Variants in CTNND2 observed in about 807,000 individuals in gnomAD.
CTNND2 encodes catenin delta-2.
Under a neutral mutation model 144.4 loss-of-function variants are expected in CTNND2, and 22 were observed. The observed-to-expected ratio is 0.15, with a 90% CI of 0.11 to 0.22. CTNND2 has a LOEUF of 0.22. Among genes scored for constraint, CTNND2 ranks in the 10% least tolerant of loss-of-function variants. The pLI is 1.00. For missense variants in CTNND2, 1,353 were observed against 1,618.8 expected, an observed-to-expected ratio of 0.84 and a Z score of 2.82; for synonymous variants, 751 against 695.6, an observed-to-expected ratio of 1.08 and a Z score of -1.25.
chr5:11,734,633 C>G (rs1787579776), intron 1 of CTNND2, among the ~76,000 whole-genome samples: 1 of 152,160 alleles, frequency 6.6e-6, no homozygotes, highest in South Asian at 2.1e-4. Context: ...TTACACATCC[C>G]TCCAGGAACC....
intron 1 of CTNND2, among the ~76,000 whole-genome samples, chr5:11,768,330 C>T (rs1789715299): frequency 6.6e-6 from 1 of 151,330 alleles, no homozygotes; most frequent in Non-Finnish European, 1.5e-5. Flanking sequence ...CACTGTGTCA[C>T]CCAGGCTGGA....
At chr5:11,257,452 C>CG (rs1385028206) in intron 9 of CTNND2, among the ~76,000 whole-genome samples, 1 of 152,168 alleles carries the variant, frequency 6.6e-6, no homozygotes, top group Non-Finnish European at 1.5e-5. Flanking sequence ...AGTTCTGCAT[C>CG]GCCGGGGAGG....
intron 1 of CTNND2, among the ~76,000 whole-genome samples, chr5:11,879,359 A>ATATATATATG (rs1735846034): frequency 6.9e-6 from 1 of 144,142 alleles, no homozygotes; most frequent in Non-Finnish European, 1.5e-5. Context: ...ATATATATAC[A>ATATATATATG]TATACACACA....
chr5:11,162,504 G>A (rs894513032), intron 11 of CTNND2, among the ~76,000 whole-genome samples: 3 of 152,138 alleles, frequency 2.0e-5, no homozygotes, highest in African/African-American at 7.2e-5. Context: ...CTTCCAGGCT[G>A]TCTCCATCTG....
chr5:11,369,246 A>G (rs1757245124), intron 7 of CTNND2, among the ~76,000 whole-genome samples: 1 of 152,258 alleles, frequency 6.6e-6, no homozygotes, highest in African/African-American at 2.4e-5. Flanking sequence ...GACCACAAAA[A>G]GGTGACATCC....
intron 12 of CTNND2, among the ~76,000 whole-genome samples, chr5:11,120,640 A>C (rs36176905): frequency 2.1e-3 from 141 of 66,356 alleles, no homozygotes; most frequent in Admixed American, 4.1e-3. Context: ...CTCAGTTTAC[A>C]TATAGACTTC....
At chr5:11,822,252 C>T (rs1185971499) in intron 1 of CTNND2, among the ~76,000 whole-genome samples, 5 of 152,176 alleles carry the variant, frequency 3.3e-5, no homozygotes, top group Admixed American at 3.3e-4. Flanking sequence ...GTGGCAGTAA[C>T]TGTCTATCAG....
chr5:11,355,583 C>T (rs562504131), intron 8 of CTNND2, among the ~76,000 whole-genome samples: 1 of 152,174 alleles, frequency 6.6e-6, no homozygotes, highest in Admixed American at 6.5e-5. Flanking sequence ...TCATACTGAA[C>T]AAGGGAAAGC....
intron 1 of CTNND2, among the ~76,000 whole-genome samples, chr5:11,878,875 T>C (rs964100447): frequency 1.3e-5 from 2 of 152,174 alleles, no homozygotes; most frequent in Non-Finnish European, 2.9e-5. Flanking sequence ...AGATGGGGCC[T>C]CATGGGAGTT....
rs1274297674 is a variant in CTNND2 at position 11,314,860 on chromosome 5, G to C, written c.1628+31512C>G. 7.2e-5 allele frequency among the ~76,000 whole-genome samples: 11 copies of C among 152,200 alleles called. No homozygotes were observed. The East Asian group carries it at 2.1e-3, about 29-fold the overall frequency. ...GGTATGGGGTAGCCAGGGGTGGCTG[G>C]TAGGGTGGCCAGGGAAAATAGAGAG... On this transcript the variant is annotated intron_variant, in intron 9 of 21. Coordinates refer to ENST00000304623, the MANE Select transcript of CTNND2 (RefSeq NM_001332.4).
chr5:11,115,160 C>T (rs1753417605), intron 13 of CTNND2, among the ~76,000 whole-genome samples: 1 of 152,184 alleles, frequency 6.6e-6, no homozygotes, highest in Non-Finnish European at 1.5e-5. Context: ...CCAATTATTT[C>T]AACTTCCTCT....
At chr5:11,197,776 G>A (rs1268992928) in intron 11 of CTNND2, among the ~76,000 whole-genome samples, 2 of 152,174 alleles carry the variant, frequency 1.3e-5, no homozygotes, top group African/African-American at 4.8e-5. Flanking sequence ...AGGGGTATGG[G>A]ATTTCCATTC....
At chr5:11,559,649 C>T (rs1363754757) in intron 3 of CTNND2, among the ~76,000 whole-genome samples, 3 of 152,188 alleles carry the variant, frequency 2.0e-5, no homozygotes, top group African/African-American at 4.8e-5. Flanking sequence ...CCATTGGAGC[C>T]TTCCAGGAGT....
chr5:11,757,363 A>G (rs1045353619), intron 1 of CTNND2, among the ~76,000 whole-genome samples: 3 of 151,850 alleles, frequency 2.0e-5, no homozygotes, highest in Non-Finnish European at 4.4e-5. Context: ...TCTCTCCTCT[A>G]CAAATACTTT....
rs116753593 is a variant in CTNND2, at chr5:11,512,550, C to G, written c.287+52394G>C. On this transcript the variant is annotated intron_variant, in intron 3 of 21. Coordinates refer to ENST00000304623, the MANE Select transcript of CTNND2 (RefSeq NM_001332.4). Reference sequence around the variant, plus strand: ...TGTATTTGTGCCAATATTACATGGACTGAAAGTCACCACCTCCTTTCTATA... The same window carrying G: ...TGTATTTGTGCCAATATTACATGGAGTGAAAGTCACCACCTCCTTTCTATA... Among the ~76,000 whole-genome samples the G allele has an allele frequency of 4.7e-3, 722 of 152,342 alleles. 6 individuals carry two copies. Among genetic ancestry groups the G allele is most frequent in the African/African-American group, 0.017 (691 of 41,578 alleles).
intron 3 of CTNND2, among the ~76,000 whole-genome samples, chr5:11,546,009 T>C (rs1199175494): frequency 6.6e-6 from 1 of 152,168 alleles, no homozygotes; most frequent in Non-Finnish European, 1.5e-5. Flanking sequence ...TTATATTTGG[T>C]ACAACATCAA....
intron 7 of CTNND2, among the ~76,000 whole-genome samples, chr5:11,370,174 T>G (rs1227867603): frequency 8.5e-6 from 1 of 118,062 alleles, no homozygotes; most frequent in Non-Finnish European, 1.7e-5. Context: ...ACTACTTGGG[T>G]TTTTTTTTTT....
intron 1 of CTNND2, among the ~76,000 whole-genome samples, chr5:11,800,415 G>A (rs193049045): frequency 6.6e-6 from 1 of 152,252 alleles, no homozygotes; most frequent in African/African-American, 2.4e-5. Flanking sequence ...ATCTACTCAG[G>A]ATTGTGGTCA....
intron 1 of CTNND2, among the ~76,000 whole-genome samples, chr5:11,850,081 A>C (rs759258222): frequency 7.9e-5 from 12 of 152,190 alleles, no homozygotes; most frequent in Non-Finnish European, 1.8e-4. Flanking sequence ...GTATAATAAA[A>C]AAACAGAATA....
Sources: allele counts gnomAD v4.1 joint callset (sites outside exome capture counted in the v4.1 genomes callset), GRCh38; gene constraint gnomAD v4.1.1; transcripts MANE v1.5; gene names NCBI Gene and HGNC (gene_info 2026-07-23, HGNC 2026-07-21).